Variants in TRPS1 observed in about 807,000 individuals in gnomAD.
TRPS1 encodes zinc finger transcription factor Trps1.
TRPS1 carries 6 observed loss-of-function variants against 101.2 expected under a neutral mutation model. That is an observed-to-expected ratio of 0.06 (90% CI 0.03 to 0.12). TRPS1 has a LOEUF of 0.12. Among genes scored for constraint, TRPS1 ranks in the 10% least tolerant of loss-of-function variants. TRPS1 has a pLI of 1.00. For synonymous variants in TRPS1, 578 were observed against 589.8 expected (o/e 0.98, Z 0.29); for missense variants, 1,363 against 1,567.0 (o/e 0.87, Z 2.20).
intron 5 of TRPS1, among the ~76,000 whole-genome samples, chr8:115,419,009 T>C (rs1812988980): frequency 6.6e-6 from 1 of 152,154 alleles, no homozygotes; most frequent in Non-Finnish European, 1.5e-5. Context: ...ATTCCTCTAT[T>C]CCTCAAACGT....
intron 5 of TRPS1, among the ~76,000 whole-genome samples, chr8:115,544,438 C>T (rs1233246487): frequency 1.3e-5 from 2 of 151,942 alleles, no homozygotes; most frequent in Non-Finnish European, 2.9e-5. Context: ...AATCTAAGTC[C>T]TGTACCTCCC....
chr8:115,455,655 A>T (rs975594750), intron 5 of TRPS1, among the ~76,000 whole-genome samples: 4 of 152,008 alleles, frequency 2.6e-5, no homozygotes, highest in Non-Finnish European at 5.9e-5. Context: ...ACTCAATAAT[A>T]TACCTAGTAA....
intron 5 of TRPS1, among the ~76,000 whole-genome samples, chr8:115,455,379 T>C (rs955830911): frequency 3.9e-5 from 6 of 152,228 alleles, no homozygotes; most frequent in Admixed American, 3.9e-4. Context: ...AAGCTATAAT[T>C]TGTGAGTGCA....
Position 115,475,672 on chromosome 8 carries a change from G to A in TRPS1, c.2701-57220C>T, listed in dbSNP as rs144466578. On this transcript the variant is annotated intron_variant, in intron 5 of 6. Transcript: ENST00000395715. ...ACATAAACTTTAGCAGTGCTATCTC[G>A]TTTAGCAGTGCTATCTCGACGATTA... 1.5e-3 allele frequency among the ~76,000 whole-genome samples: 222 copies of A among 151,978 alleles called. 2 individuals are homozygous for A. Among genetic ancestry groups the A allele is most frequent in the Non-Finnish European group, 2.5e-3 (171 of 67,892 alleles).
chr8:115,662,588 T>C (rs1811827528), intron 1 of TRPS1, among the ~76,000 whole-genome samples: 1 of 151,888 alleles, frequency 6.6e-6, no homozygotes, highest in South Asian at 2.1e-4. Flanking sequence ...ACTTGCCAGC[T>C]TCTGAAGTTG....
intron 5 of TRPS1, among the ~76,000 whole-genome samples, chr8:115,489,864 A>T (rs1482983957): frequency 6.6e-6 from 1 of 152,124 alleles, no homozygotes; most frequent in Non-Finnish European, 1.5e-5. Flanking sequence ...GCAATATTCA[A>T]ATATGGGTTT....
chr8:115,534,721 CAG>C (rs1422046964), intron 5 of TRPS1, among the ~76,000 whole-genome samples: 1 of 152,090 alleles, frequency 6.6e-6, no homozygotes, highest in African/African-American at 2.4e-5. Context: ...CAGTGATATT[CAG>C]AGAGTGGTAA....
chr8:115,499,125 A>G (rs1815239332), intron 5 of TRPS1, among the ~76,000 whole-genome samples: 1 of 152,216 alleles, frequency 6.6e-6, no homozygotes, highest in Non-Finnish European at 1.5e-5. Flanking sequence ...AGTATACTAA[A>G]GAGCAGATGA....
chr8:115,479,388 T>C (rs1040464830), intron 5 of TRPS1, among the ~76,000 whole-genome samples: 1 of 152,130 alleles, frequency 6.6e-6, no homozygotes, highest in African/African-American at 2.4e-5. Flanking sequence ...AAAATGTATC[T>C]GACCAGAAGC....
At chr8:115,630,258 C>T (rs1405362209) in intron 1 of TRPS1, among the ~76,000 whole-genome samples, 1 of 151,894 alleles carries the variant, frequency 6.6e-6, no homozygotes, top group Non-Finnish European at 1.5e-5. Context: ...AGTAAGACTA[C>T]AGAATTCGGG....
chr8:115,464,802 C>A (rs955045808), intron 5 of TRPS1, among the ~76,000 whole-genome samples: 1 of 152,156 alleles, frequency 6.6e-6, no homozygotes, highest in South Asian at 2.1e-4. Flanking sequence ...TTTTTTCTTA[C>A]TGTCAGGAAC....
chr8:115,659,891 C>T (rs1811755003), intron 1 of TRPS1, among the ~76,000 whole-genome samples: 1 of 151,924 alleles, frequency 6.6e-6, no homozygotes, highest in Non-Finnish European at 1.5e-5. Flanking sequence ...AGACTAAAGT[C>T]ATTTCAAAAA....
intron 5 of TRPS1, among the ~76,000 whole-genome samples, chr8:115,541,793 A>C (rs1394233791): frequency 6.6e-6 from 1 of 152,220 alleles, no homozygotes; most frequent in East Asian, 1.9e-4. Context: ...GACACATTTC[A>C]GCCAAAATTC....
intron 5 of TRPS1, among the ~76,000 whole-genome samples, chr8:115,500,872 C>T (rs968469958): frequency 1.3e-5 from 2 of 152,186 alleles, no homozygotes; most frequent in African/African-American, 4.8e-5. Flanking sequence ...CGCGCCCGAC[C>T]TGAACTTGGT....
At chr8:115,535,534 G>A (rs549836009) in intron 5 of TRPS1, among the ~76,000 whole-genome samples, 248 of 147,956 alleles carry the variant, frequency 1.7e-3, no homozygotes, top group African/African-American at 5.6e-3. Context: ...CATATATAGC[G>A]CATATATATA....
chr8:115,543,886 C>G (rs942501321), intron 5 of TRPS1, among the ~76,000 whole-genome samples: 4 of 151,912 alleles, frequency 2.6e-5, no homozygotes, highest in African/African-American at 9.7e-5. Flanking sequence ...ACAACACGTT[C>G]GATGCTCATG....
intron 5 of TRPS1, among the ~76,000 whole-genome samples, chr8:115,532,524 T>C (rs941110516): frequency 1.3e-5 from 2 of 152,122 alleles, no homozygotes; most frequent in Non-Finnish European, 2.9e-5. Flanking sequence ...TATAATATGG[T>C]GCCATTTTAG....
intron 3 of TRPS1, among the ~76,000 whole-genome samples, chr8:115,617,001 T>A (rs989712258): frequency 6.6e-6 from 1 of 152,204 alleles, no homozygotes; most frequent in African/African-American, 2.4e-5. Context: ...CTTCAGACAT[T>A]TTTCTGCAGC....
At chr8:115,543,276 A>T (rs554862416) in intron 5 of TRPS1, among the ~76,000 whole-genome samples, 7 of 152,326 alleles carry the variant, frequency 4.6e-5, no homozygotes, top group African/African-American at 1.7e-4. Context: ...GGTGACAAGG[A>T]TTAAACTAAA....
Sources: gnomAD v4.1 joint callset for allele counts (sites outside exome capture counted in the v4.1 genomes callset) on GRCh38, gnomAD v4.1.1 for gene constraint, MANE v1.5 for transcripts, NCBI Gene and HGNC (gene_info 2026-07-23, HGNC 2026-07-21) for gene names.